Variants in AGMO observed in about 807,000 individuals in gnomAD.
AGMO encodes the protein alkylglycerol monooxygenase, also known as glyceryl-ether monooxygenase.
A neutral mutation model predicts 60.2 loss-of-function variants in AGMO; 75 were observed. The observed-to-expected ratio is 1.25, with a 90% CI of 1.03 to 1.51. The LOEUF (loss-of-function observed/expected upper bound fraction) is 1.51, where lower values mean the gene tolerates loss of function less well. AGMO is among the 40% of genes most tolerant of loss of function. The pLI is 0.00. For missense variants in AGMO, 763 were observed against 525.5 expected (o/e 1.45, Z -4.42); for synonymous variants, 261 against 177.1 (o/e 1.47, Z -3.76).
At chr7:15,299,957 T>C (rs1209093050) in intron 12 of AGMO, among the ~76,000 whole-genome samples, 1 of 151,772 alleles carries the variant, frequency 6.6e-6, no homozygotes, top group Non-Finnish European at 1.5e-5. Context: ...ACAGACTATA[T>C]GGGCAAATAG....
chr7:15,249,207 A>G (rs1410145629), intron 12 of AGMO, among the ~76,000 whole-genome samples: 1 of 152,164 alleles, frequency 6.6e-6, no homozygotes, highest in Non-Finnish European at 1.5e-5. Flanking sequence ...TGCTGAATTT[A>G]ACAATTGGAA....
At chr7:15,122,379 G>A in the AGMO span, among the ~76,000 whole-genome samples, 1 of 152,028 alleles carries the variant, frequency 6.6e-6, no homozygotes, top group East Asian at 1.9e-4. Context: ...CACCGTCTTT[G>A]TTCACATCAG....
At chr7:15,133,076 A>T in the AGMO span, among the ~76,000 whole-genome samples, 1 of 152,206 alleles carries the variant, frequency 6.6e-6, no homozygotes, top group African/African-American at 2.4e-5. Flanking sequence ...TGGGAAATTG[A>T]GCATTTCTTG....
intron 2 of AGMO, among the ~76,000 whole-genome samples, chr7:15,546,380 C>T (rs573039699): frequency 6.6e-6 from 1 of 152,172 alleles, no homozygotes; most frequent in Non-Finnish European, 1.5e-5. Context: ...GAGTTCAAGT[C>T]CTTGACCCAA....
chr7:15,357,888 T>A (rs1283254995), intron 12 of AGMO, among the ~76,000 whole-genome samples: 1 of 152,170 alleles, frequency 6.6e-6, no homozygotes, highest in Non-Finnish European at 1.5e-5. Context: ...TTTGGCTTGG[T>A]CATGCAAAAA....
chr7:15,417,368 G>T (rs1233532097), intron 5 of AGMO, among the ~76,000 whole-genome samples: 1 of 152,138 alleles, frequency 6.6e-6, no homozygotes, highest in Admixed American at 6.6e-5. Flanking sequence ...TCGGGACACA[G>T]GAAGAGGTGA....
chr7:15,365,611 G>T lies in AGMO; in HGVS notation c.1166C>A (p.Ala389Glu). ...GCAACGGAGAGTTTCCATAATAGCT[G>T]CCTTGGGTCTGAAATAAAATGTCAT... ...IGFLLDQRPK[A>E]AIMETLRCLM... is the part of the protein sequence containing the mutation. Residue 389 changes from alanine (A) to glutamate (E), a missense_variant, in exon 12 of 13, where the codon GCA (alanine) becomes GAA (glutamate). By Grantham distance (107) the Ala-to-Glu change is moderately radical. Transcript: ENST00000342526. 1 of 1,611,532 alleles carries T rather than the reference G, an allele frequency of 6.2e-7. No homozygotes were observed. The highest frequency in any genetic ancestry group is 1.3e-5 in the African/African-American group (1 of 74,914).
At chr7:15,502,027 A>C (rs1783399798) in intron 3 of AGMO, among the ~76,000 whole-genome samples, 1 of 152,114 alleles carries the variant, frequency 6.6e-6, no homozygotes, top group Non-Finnish European at 1.5e-5. Flanking sequence ...CAAGTCTTGA[A>C]GTCCAGAATC....
intron 3 of AGMO, among the ~76,000 whole-genome samples, chr7:15,432,382 A>ATATATATATAT (rs1781279588): frequency 6.8e-6 from 1 of 147,872 alleles, no homozygotes; most frequent in Non-Finnish European, 1.5e-5. Flanking sequence ...ATATATATAC[A>ATATATATATAT]CTATCTGGGT....
chr7:15,482,807 T>C (rs955073734), intron 3 of AGMO, among the ~76,000 whole-genome samples: 1 of 152,186 alleles, frequency 6.6e-6, no homozygotes, highest in Non-Finnish European at 1.5e-5. Flanking sequence ...GTATTTCTAT[T>C]CAGGTGGGTT....
intron 12 of AGMO, among the ~76,000 whole-genome samples, chr7:15,232,824 C>CAAAA (rs1191849310): frequency 3.3e-5 from 5 of 151,488 alleles, no homozygotes; most frequent in African/African-American, 1.2e-4. Flanking sequence ...CACACACACA[C>CAAAA]ACAAAAACTA....
chr7:15,365,167 C>T (rs967623474), intron 12 of AGMO, among the ~76,000 whole-genome samples: 1 of 151,802 alleles, frequency 6.6e-6, no homozygotes, highest in African/African-American at 2.4e-5. Flanking sequence ...AAATCTCAAA[C>T]GGCAGAGTCT....
chr7:15,243,866 C>T (rs1336063717), intron 12 of AGMO, among the ~76,000 whole-genome samples: 1 of 152,112 alleles, frequency 6.6e-6, no homozygotes, highest in Non-Finnish European at 1.5e-5. Context: ...CTCTAGGCAA[C>T]TACTTGATAC....
chr7:15,529,090 A>G (rs1234193619), intron 3 of AGMO, among the ~76,000 whole-genome samples: 1 of 152,150 alleles, frequency 6.6e-6, no homozygotes, highest in Non-Finnish European at 1.5e-5. Context: ...AACGTTCAAA[A>G]CAGACATTCT....
At chr7:15,356,527 TGAA>T (rs756269798) in intron 12 of AGMO, among the ~76,000 whole-genome samples, 4 of 152,136 alleles carry the variant, frequency 2.6e-5, no homozygotes, top group Non-Finnish European at 4.4e-5. Flanking sequence ...AATGATACCT[TGAA>T]GAAAATCTGA....
At position 15,385,478 on chromosome 7, in the gene AGMO, C is replaced by T. The variant is rs749443521; in HGVS notation, c.1042G>A (p.Ala348Thr). Residue 348 changes from alanine (A) to threonine (T), a missense_variant, in exon 10 of 13, where the codon GCA becomes ACA. Coordinates refer to ENST00000342526, the MANE Select transcript of AGMO (RefSeq NM_001004320.2). ...TCTGCAAAGGTCTCTTCATAAAATGCCAACATCAGAGCAAACTGTACAACT... is the reference window on the plus strand; with the variant it reads ...TCTGCAAAGGTCTCTTCATAAAATGTCAACATCAGAGCAAACTGTACAACT... ...YTVVQFALML[A>T]FYEETFADTA... The T allele has an allele frequency of 3.7e-6, 6 of 1,609,336 alleles. No individual in the cohort carries two copies. The East Asian group carries it at 1.3e-4, about 36-fold the overall frequency.
chr7:15,145,680 C>G, the AGMO span, among the ~76,000 whole-genome samples: 1 of 151,952 alleles, frequency 6.6e-6, no homozygotes, highest in South Asian at 2.1e-4. Flanking sequence ...CACGTATTTC[C>G]TTAAACTTCA....
intron 3 of AGMO, among the ~76,000 whole-genome samples, chr7:15,525,233 G>C (rs1425333028): frequency 6.6e-6 from 1 of 152,060 alleles, no homozygotes; most frequent in Non-Finnish European, 1.5e-5. Context: ...GGCAGATAGG[G>C]GTGGGCCCCT....
rs890760769 is a variant in AGMO at position 15,503,891 on chromosome 7, T to C, written c.409+40881A>G. Among the ~76,000 whole-genome samples, 3 of 152,122 alleles carry C rather than the reference T, an allele frequency of 2.0e-5. No homozygotes were observed. In the East Asian group the frequency reaches 5.8e-4, roughly 29 times the overall value. On this transcript the variant is annotated intron_variant, in intron 3 of 12. Coordinates refer to ENST00000342526, the MANE Select transcript of AGMO (RefSeq NM_001004320.2). Reference sequence around the variant, plus strand: ...TTTCATGCCCTCATTTAGAAAATGATAAAAACATATTTTACTCTGTAATAA... The same window carrying C: ...TTTCATGCCCTCATTTAGAAAATGACAAAAACATATTTTACTCTGTAATAA...
Sources: allele counts gnomAD v4.1 joint callset (sites outside exome capture counted in the v4.1 genomes callset), GRCh38; gene constraint gnomAD v4.1.1; transcripts MANE v1.5; gene names NCBI Gene and HGNC (gene_info 2026-07-23, HGNC 2026-07-21).